ADAD2: variants seen among roughly 807,000 people sequenced by gnomAD.
ADAD2 encodes the protein adenosine deaminase domain containing 2, also known as adenosine deaminase domain-containing protein 2.
In ADAD2, 60 loss-of-function variants were observed where a neutral mutation model predicts 54.5. That is an observed-to-expected ratio of 1.10 (90% confidence interval 0.89 to 1.36). The LOEUF (loss-of-function observed/expected upper bound fraction) is 1.36, where lower values mean the gene tolerates loss of function less well. Ranked by LOEUF, ADAD2 falls within the 40% of genes most tolerant of loss-of-function variation. The pLI is 0.00. For missense variants in ADAD2, 1,103 were observed against 801.3 expected, an observed-to-expected ratio of 1.38 and a Z score of -4.54; for synonymous variants, 543 against 366.2, an observed-to-expected ratio of 1.48 and a Z score of -5.51.
intron 1 of ADAD2, chr16:84,193,291 C>T (rs1237744639): frequency 1.3e-5 from 2 of 152,206 alleles, no homozygotes. Flanking sequence ...TTTCCCATCC[C>T]AGTATGACAT....
Position 84,191,409 on chromosome 16 carries a change from A to T in ADAD2, c.179A>T (p.Gln60Leu). 2.0e-6 allele frequency: 3 copies of T among 1,493,360 alleles called. No homozygotes were observed. The South Asian group carries it at 3.9e-5, about 19-fold the overall frequency. 92.5% of individuals were successfully genotyped at this position (1,493,360 alleles called of 1,614,324 possible). A position where few individuals can be genotyped will look rare whatever the true frequency, so the allele number is the denominator to read the frequency against. The change falls in exon 1 of 10, where the codon CAG becomes CTG. Residue 60 changes from glutamine to leucine, a missense_variant. Physicochemically the swap from Gln to Leu is moderately radical, Grantham distance 113. Coordinates refer to ENST00000315906, the MANE Select transcript of ADAD2 (RefSeq NM_001145400.2). ...TATCGCGCGGAGGGCGGGTGGCCCC[A>T]GGTCTCGGTGTTGAGGGACAGTGGG... ...ATYRAEGGWP[Q>L]VSVLRDSGPG...
At chr16:84,194,716 A>C (rs1415744949) in intron 2 of ADAD2, 134 bp downstream of exon 2, 1 of 1,454,454 alleles carries the variant, frequency 6.9e-7, no homozygotes. Flanking sequence ...TCTGAGCATC[A>C]GGACGTCACC....
At chr16:84,193,210 AAT>A (rs2089679565) in intron 1 of ADAD2, 1 of 72,730 alleles carries the variant, frequency 1.4e-5, no homozygotes, top group African/African-American at 7.0e-5. Context: ...ACATTGATAT[AAT>A]ACCATCTTCT....
In ADAD2 at chr16:84,195,200, G is replaced by T; in HGVS notation, c.733+6G>T. 6.2e-7 allele frequency: 1 copy of T among 1,612,190 alleles called. No homozygotes were observed. Among genetic ancestry groups the T allele is most frequent in the Non-Finnish European group, 8.5e-7 (1 of 1,179,396 alleles). ...TGGAGTCATCCTGGAGAGGGGTAGG[G>T]ATCGCCCCAGCCCTGGCCCTGGCCC... On this transcript the variant is annotated splice_donor_region_variant and intron_variant, in intron 4 of 9. Coordinates refer to ENST00000315906, the MANE Select transcript of ADAD2 (RefSeq NM_001145400.2).
chr16:84,195,740 G>C (rs372591388), intron 6 of ADAD2, 43 bp downstream of exon 6: 3 of 1,531,230 alleles, frequency 2.0e-6, no homozygotes, highest in Admixed American at 4.2e-5. Context: ...GGGCTCCCTC[G>C]GTTGGGCTGC....
Position 84,196,316 on chromosome 16 carries a change from TG to T in ADAD2, c.1477del (p.Asp493ThrfsTer14). 1 of 1,612,912 alleles carries T rather than the reference TG, an allele frequency of 6.2e-7. No individual in the cohort carries two copies. Among genetic ancestry groups the T allele is most frequent in the South Asian group, 1.1e-5 (1 of 91,072 alleles). ...CGTGGCCTGAGCCTCAACTGGAGCCTGGGGGACCCTGGCATCGAGGTTGTGG... is the reference window on the plus strand; with the variant it reads ...CGTGGCCTGAGCCTCAACTGGAGCCTGGGGACCCTGGCATCGAGGTTGTGG... Reference protein sequence around the residue: ...TCRGLSLNWSLGDPGIEVVDV... With the variant: ...TCRGLSLNWSXGDPGIEVVDV... On this transcript the variant is annotated frameshift_variant, in exon 8 of 10. Transcript: ENST00000315906. LOFTEE classifies it high-confidence loss of function.
Position 84,191,407 on chromosome 16 carries a change from C to T in ADAD2, c.177C>T (p.Pro59=). 1 of 1,494,900 alleles carries T rather than the reference C, an allele frequency of 6.7e-7. No homozygotes were observed. Among genetic ancestry groups the T allele is most frequent in the Non-Finnish European group, 8.9e-7 (1 of 1,125,914 alleles). The allele number at this position is 1,494,900 out of a possible 1,614,324, so 92.6% of individuals were successfully genotyped here. Residue 59 remains proline (P), a synonymous_variant, in exon 1 of 10, where the codon CCC becomes CCT. Transcript: ENST00000315906. ...CGTATCGCGCGGAGGGCGGGTGGCCCCAGGTCTCGGTGTTGAGGGACAGTG... is the reference window on the plus strand; with the variant it reads ...CGTATCGCGCGGAGGGCGGGTGGCCTCAGGTCTCGGTGTTGAGGGACAGTG... ...PATYRAEGGW[P]QVSVLRDSGP...
Position 84,191,190 on chromosome 16 carries a change from C to A in ADAD2, c.-41C>A, listed in dbSNP as rs778824204. On this transcript the variant is annotated 5_prime_UTR_variant, in exon 1 of 10. Coordinates refer to ENST00000315906, the MANE Select transcript of ADAD2 (RefSeq NM_001145400.2). The stretch of plus-strand genomic sequence containing the variant: ...TGCGCGTGTGAAAGGGCGAGAGCAG[C>A]GCGAGATAGGGCCTAGCGCCTCAGA... The A allele has an allele frequency of 6.3e-7, 1 of 1,584,388 alleles. No homozygotes were observed. The highest frequency in any genetic ancestry group is 8.6e-7 in the Non-Finnish European group (1 of 1,162,968).
chr16:84,194,429 G>T lies in ADAD2; in HGVS notation c.419-13G>T, dbSNP rs778151754. 12 of 1,600,100 alleles carry T rather than the reference G, an allele frequency of 7.5e-6. No individual in the cohort carries two copies. In the Admixed American group the frequency reaches 2.0e-4, roughly 27 times the overall value. ...GGCCAGGGGGCTGCTTCCTCACCTGGCTCCTTCCCCAGGTCCCTGCTTCCC... is the reference window on the plus strand; with the variant it reads ...GGCCAGGGGGCTGCTTCCTCACCTGTCTCCTTCCCCAGGTCCCTGCTTCCC... On this transcript the variant is annotated splice_polypyrimidine_tract_variant and intron_variant, in intron 1 of 9. Transcript: ENST00000315906.
At chr16:84,194,190 G>T (rs1231501866) in intron 1 of ADAD2, 1 of 1,583,440 alleles carries the variant, frequency 6.3e-7, no homozygotes, top group South Asian at 1.1e-5. Context: ...TCTGTGAAAT[G>T]GAGTCACGCA....
Position 84,194,493 on chromosome 16 carries a change from C to G in ADAD2, c.470C>G (p.Pro157Arg), listed in dbSNP as rs144140111. The G allele has an allele frequency of 1.1e-5, 18 of 1,611,774 alleles. No individual in the cohort carries two copies. The African/African-American group carries it at 2.3e-4, about 20-fold the overall frequency. Reference sequence around the variant, plus strand: ...GCGGAACTGGATGGGGTGGTCTGCCCTGCGGGCACTGCGAATAGCAAGACG... The same window carrying G: ...GCGGAACTGGATGGGGTGGTCTGCCGTGCGGGCACTGCGAATAGCAAGACG... Reference protein sequence around the residue: ...VSAELDGVVCPAGTANSKTEA... With the variant: ...VSAELDGVVCRAGTANSKTEA... The change falls in exon 2 of 10, where the codon CCT (proline) becomes CGT (arginine). Residue 157 changes from proline (P) to arginine (R), a missense_variant. Transcript: ENST00000315906.
chr16:84,196,613 T>C (rs1267994727), intron 8 of ADAD2, 34 bp from the exon 9 acceptor site: 2 of 1,607,144 alleles, frequency 1.2e-6, no homozygotes, highest in South Asian at 2.2e-5. Context: ...AGCTTGTATC[T>C]CTCTGATCTC....
Position 84,191,477 on chromosome 16 carries a change from G to C in ADAD2, c.247G>C (p.Ala83Pro). Reference sequence around the variant, plus strand: ...AGTCGGGGAACTGGGGGCAGCCCGGGCGTGGGAAAACTTGGGGGAACAGAT... The same window carrying C: ...AGTCGGGGAACTGGGGGCAGCCCGGCCGTGGGAAAACTTGGGGGAACAGAT... Reference protein sequence around the residue: ...AGVGELGAARAWENLGEQMGK... With the variant: ...AGVGELGAARPWENLGEQMGK... The change falls in exon 1 of 10, where the codon GCG becomes CCG. Residue 83 changes from alanine (A) to proline (P), a missense_variant. Ala to Pro is a conservative substitution (Grantham distance 27). Coordinates refer to ENST00000315906, the MANE Select transcript of ADAD2 (RefSeq NM_001145400.2). 1 of 1,538,920 alleles carries C rather than the reference G, an allele frequency of 6.5e-7. No homozygotes were observed. The highest frequency in any genetic ancestry group is 8.7e-7 in the Non-Finnish European group (1 of 1,144,342).
chr16:84,195,756 G>C, intron 6 of ADAD2, 59 bp downstream of exon 6: 3 of 1,536,898 alleles, frequency 2.0e-6, no homozygotes, highest in Non-Finnish European at 2.6e-6. Flanking sequence ...GCTGCTGGGT[G>C]GGGGCCAGGG....
Position 84,197,047 on chromosome 16 carries a change from C to A in ADAD2, c.*73C>A. 1 of 1,441,630 alleles carries A rather than the reference C, an allele frequency of 6.9e-7. No homozygotes were observed. The highest frequency in any genetic ancestry group is 9.5e-7 in the Non-Finnish European group (1 of 1,054,214). The allele number at this position is 1,441,630 out of a possible 1,614,324, so 89.3% of individuals were successfully genotyped here. On this transcript the variant is annotated 3_prime_UTR_variant, in exon 10 of 10. Transcript: ENST00000315906. ...CTGGGGGAGTGCCCTATCTGAGGAGCGTTGTGGGGAGAACATGGGTTGTGC... is the reference window on the plus strand; with the variant it reads ...CTGGGGGAGTGCCCTATCTGAGGAGAGTTGTGGGGAGAACATGGGTTGTGC...
chr16:84,191,850 A>T, intron 1 of ADAD2: 1 of 754,774 alleles, frequency 1.3e-6, no homozygotes, highest in Non-Finnish European at 2.3e-6. Flanking sequence ...CACCAGCCAC[A>T]CCAGATGCTC....
At chr16:84,191,977 C>T in intron 1 of ADAD2, 5 of 458,182 alleles carry the variant, frequency 1.1e-5, no homozygotes, top group South Asian at 6.3e-5. Flanking sequence ...TTTAAGTTGC[C>T]GTGCTAGCAT....
intron 1 of ADAD2, chr16:84,191,961 A>C: frequency 2.0e-6 from 1 of 488,062 alleles, no homozygotes; most frequent in East Asian, 3.9e-5. Flanking sequence ...AGCCACTTAC[A>C]TGCAATTTAA....
Position 84,191,163 on chromosome 16 carries a change from C to A in ADAD2, c.-68C>A. ...GTGCTCCCCACGTGAAGGCACCCGC[C>A]CTGCGCGTGTGAAAGGGCGAGAGCA... is the stretch of plus-strand genomic sequence containing the variant. On this transcript the variant is annotated 5_prime_UTR_variant, in exon 1 of 10. Transcript: ENST00000315906. 1 of 1,549,622 alleles carries A rather than the reference C, an allele frequency of 6.5e-7. No homozygotes were observed.
Sources: gnomAD v4.1 joint callset for allele counts on GRCh38, gnomAD v4.1.1 for gene constraint, MANE v1.5 for transcripts, NCBI Gene and HGNC (gene_info 2026-07-23, HGNC 2026-07-21) for gene names.